HPCAL1: variants seen among roughly 807,000 people sequenced by gnomAD.
HPCAL1 encodes hippocalcin-like protein 1.
In HPCAL1, 8 loss-of-function variants were observed where a neutral mutation model predicts 17.1. That is an observed-to-expected ratio of 0.47 (90% confidence interval 0.27 to 0.84). The LOEUF is 0.84. HPCAL1 is among the 40% of genes least tolerant of loss of function. The probability of loss-of-function intolerance (pLI) is 0.13; values close to 1 mark genes in which losing one functional copy is unlikely to be tolerated. For synonymous variants in HPCAL1, 112 were observed against 111.4 expected, an observed-to-expected ratio of 1.01 and a Z score of -0.03; for missense variants, 165 against 271.1, an observed-to-expected ratio of 0.61 and a Z score of 2.75.
chr2:10,416,934 C>T (rs796452064), intron 2 of HPCAL1, among the ~76,000 whole-genome samples: 22 of 152,330 alleles, frequency 1.4e-4, no homozygotes, highest in African/African-American at 4.8e-4. Flanking sequence ...GATTCCTCAA[C>T]TCCTCCATGA....
At chr2:10,360,710 C>T (rs901340621) in intron 1 of HPCAL1, among the ~76,000 whole-genome samples, 1 of 152,122 alleles carries the variant, frequency 6.6e-6, no homozygotes, top group African/African-American at 2.4e-5. Flanking sequence ...CCCGGCCTTA[C>T]CTGAATCTTA....
intron 1 of HPCAL1, among the ~76,000 whole-genome samples, chr2:10,368,200 CGT>C (rs921093441): frequency 6.9e-6 from 1 of 145,674 alleles, no homozygotes; most frequent in African/African-American, 2.6e-5. Flanking sequence ...TGTGTGCATA[CGT>C]GTGTGTAGGG....
chr2:10,415,301 G>A (rs1418736534), intron 2 of HPCAL1, among the ~76,000 whole-genome samples: 1 of 152,192 alleles, frequency 6.6e-6, no homozygotes, highest in East Asian at 1.9e-4. Context: ...TGGCCTGACT[G>A]CGGGAGCTGG....
intron 1 of HPCAL1, among the ~76,000 whole-genome samples, chr2:10,356,630 A>G (rs1666175909): frequency 1.3e-5 from 2 of 152,156 alleles, no homozygotes; most frequent in African/African-American, 4.8e-5. Flanking sequence ...CTCCATAGCC[A>G]GGCCCCGTGC....
At chr2:10,383,004 A>G (rs1237436371) in intron 1 of HPCAL1, among the ~76,000 whole-genome samples, 1 of 152,110 alleles carries the variant, frequency 6.6e-6, no homozygotes. Flanking sequence ...ACCCTGCAGC[A>G]CCTTTGACTC....
chr2:10,342,002 T>G lies in HPCAL1; in HGVS notation c.-111+38825T>G, dbSNP rs566194224. The stretch of plus-strand genomic sequence containing the variant: ...GAGACTCTGTCTCTAGATAAAGTTT[T>G]TTTTTTTTTTTTAAATTAGCCAGAT... On this transcript the variant is annotated intron_variant, in intron 1 of 4. Transcript: ENST00000307845. This position sits in a 1 kb window ranked among gnomAD's most constrained non-coding sequence, Gnocchi z 4.1. Among the ~76,000 whole-genome samples, 3 of 151,776 alleles carry G rather than the reference T, an allele frequency of 2.0e-5. No individual in the cohort carries two copies. The South Asian group carries it at 6.2e-4, about 32-fold the overall frequency.
intron 1 of HPCAL1, among the ~76,000 whole-genome samples, chr2:10,371,495 A>G (rs531712099): frequency 8.4e-4 from 127 of 152,060 alleles, no homozygotes; most frequent in African/African-American, 2.9e-3. Flanking sequence ...GTGTGGCCCC[A>G]CCTTGGCTGT....
At chr2:10,347,477 C>T (rs1178952385) in intron 1 of HPCAL1, among the ~76,000 whole-genome samples, 4 of 152,098 alleles carry the variant, frequency 2.6e-5, no homozygotes, top group South Asian at 2.1e-4. Flanking sequence ...CAAAGGTGGG[C>T]GTGGGGAGGA....
At chr2:10,368,209 A>C (rs1358616733) in intron 1 of HPCAL1, among the ~76,000 whole-genome samples, 1 of 146,004 alleles carries the variant, frequency 6.8e-6, no homozygotes, top group African/African-American at 2.6e-5. Flanking sequence ...ACGTGTGTGT[A>C]GGGGTGTGCG....
rs1463601762 is a variant in HPCAL1 at position 10,342,911 on chromosome 2, C to T, written c.-111+39734C>T. 6.6e-6 allele frequency among the ~76,000 whole-genome samples: 1 copy of T among 152,216 alleles called. No individual in the cohort carries two copies. The highest frequency in any genetic ancestry group is 1.5e-5 in the Non-Finnish European group (1 of 68,046). On this transcript the variant is annotated intron_variant, in intron 1 of 4. Coordinates refer to ENST00000307845, the MANE Select transcript of HPCAL1 (RefSeq NM_002149.4). The surrounding 1 kb of genome is among the most constrained non-coding windows in gnomAD (Gnocchi z 4.1). ...TCTCCCCGCTGCCTTCCCCCGGCCC[C>T]TTTTTGGACAGGATGTTGCTCCCTG...
Position 10,395,428 on chromosome 2 carries a change from C to T in HPCAL1, c.-110-1407C>T, listed in dbSNP as rs187701782. Among the ~76,000 whole-genome samples, 47 of 148,790 alleles carry T rather than the reference C, an allele frequency of 3.2e-4. No individual in the cohort carries two copies. The highest frequency in any genetic ancestry group is 5.3e-4 in the Admixed American group (8 of 14,982). ...TCTGGACGCATAGACGTGAAACGGA[C>T]GATTTCCTGACCTTGTGGCGCTCAC... is the stretch of plus-strand genomic sequence containing the variant. On this transcript the variant is annotated intron_variant, in intron 1 of 4. Coordinates refer to ENST00000307845, the MANE Select transcript of HPCAL1 (RefSeq NM_002149.4). This position sits in a 1 kb window ranked among gnomAD's most constrained non-coding sequence, Gnocchi z 4.4.
intron 1 of HPCAL1, among the ~76,000 whole-genome samples, chr2:10,311,794 C>T (rs970162633): frequency 6.6e-6 from 1 of 152,194 alleles, no homozygotes; most frequent in Middle Eastern, 3.4e-3. Flanking sequence ...ATATCCATCA[C>T]CTCACCATCA....
intron 1 of HPCAL1, among the ~76,000 whole-genome samples, chr2:10,386,373 A>G (rs1668309683): frequency 6.6e-6 from 1 of 152,016 alleles, no homozygotes. Context: ...CATTCATTTA[A>G]TGTTTATTCT....
At chr2:10,355,108 G>C (rs1449520402) in intron 1 of HPCAL1, among the ~76,000 whole-genome samples, 1 of 152,174 alleles carries the variant, frequency 6.6e-6, no homozygotes, top group Non-Finnish European at 1.5e-5. Flanking sequence ...GCTAGGTGGT[G>C]GCAGCAGCAA....
intron 2 of HPCAL1, among the ~76,000 whole-genome samples, chr2:10,397,963 TC>T (rs2125578444): frequency 6.6e-6 from 1 of 152,320 alleles, no homozygotes; most frequent in Non-Finnish European, 1.5e-5. Flanking sequence ...CAATGCGAGA[TC>T]AGACCTGGAG....
rs180779385 is a variant in HPCAL1, at chr2:10,309,497, G to C, written c.-111+6320G>C. 5.9e-5 allele frequency among the ~76,000 whole-genome samples: 9 copies of C among 152,282 alleles called. No individual in the cohort carries two copies. The East Asian group carries it at 1.4e-3, about 23-fold the overall frequency. On this transcript the variant is annotated intron_variant, in intron 1 of 4. Transcript: ENST00000307845. ...GCCCTTTTATGGCCTTGCCTGGGCT[G>C]GTGTTCAGATTTTCCTGTACGAGTC...
At position 10,423,095 on chromosome 2, in the gene HPCAL1, CG is replaced by C; in HGVS notation, c.484+11del. Reference sequence around the variant, plus strand: ...ATGGACACCAACAATGACGGTAGTGCGGGGTGGGGGCGGGGCTGCATGTGTA... The same window carrying C: ...ATGGACACCAACAATGACGGTAGTGCGGGTGGGGGCGGGGCTGCATGTGTA... On this transcript the variant is annotated splice_region_variant and intron_variant, in intron 4 of 4. Coordinates refer to ENST00000307845, the MANE Select transcript of HPCAL1 (RefSeq NM_002149.4). The C allele has an allele frequency of 2.1e-6, 3 of 1,453,494 alleles. No homozygotes were observed. Among genetic ancestry groups the C allele is most frequent in the Non-Finnish European group, 2.9e-6 (3 of 1,035,990 alleles). The allele number at this position is 1,453,494 out of a possible 1,614,324, so 90.0% of individuals were successfully genotyped here. A position where few individuals can be genotyped will look rare whatever the true frequency, so the allele number is the denominator to read the frequency against.
chr2:10,391,571 C>G lies in HPCAL1; in HGVS notation c.-110-5264C>G, dbSNP rs560859337. 4.0e-4 allele frequency among the ~76,000 whole-genome samples: 61 copies of G among 152,288 alleles called. 2 individuals are homozygous for G. The Middle Eastern group carries it at 0.014, about 34-fold the overall frequency. On this transcript the variant is annotated intron_variant, in intron 1 of 4. Transcript: ENST00000307845. ...ACCATGGTCAATTTTAGAGTGCTTT[C>G]ATCACTCCAAAAGGAAACCCGTACC...
At chr2:10,391,358 T>C (rs1668685787) in intron 1 of HPCAL1, among the ~76,000 whole-genome samples, 1 of 152,218 alleles carries the variant, frequency 6.6e-6, no homozygotes, top group Non-Finnish European at 1.5e-5. Context: ...GACTCTGCTC[T>C]TTGCTCTCCT....
Sources: gnomAD v4.1 joint callset for allele counts (sites outside exome capture counted in the v4.1 genomes callset) on GRCh38, gnomAD v4.1.1 for gene constraint, Gnocchi (gnomAD v3.1) non-coding constraint, MANE v1.5 for transcripts, NCBI Gene and HGNC (gene_info 2026-07-23, HGNC 2026-07-21) for gene names.